The following ACO2 variants were observed in gnomAD, a reference collection of about 807,000 sequenced individuals.
The protein encoded by ACO2 is aconitase 2.
A neutral mutation model predicts 84.5 loss-of-function variants in ACO2; 31 were observed. The ratio of observed to expected loss-of-function variants is 0.37; its 90% CI spans 0.28 to 0.50. ACO2 has a LOEUF of 0.50. Among genes scored for constraint, ACO2 ranks in the 20% least tolerant of loss-of-function variants. The pLI is 0.97. For missense variants in ACO2, 685 were observed against 1,029.3 expected, an observed-to-expected ratio of 0.67 and a Z score of 4.58; for synonymous variants, 414 against 412.7, an observed-to-expected ratio of 1.00 and a Z score of -0.04.
intron 1 of ACO2, among the ~76,000 whole-genome samples, chr22:41,480,744 G>A (rs1258106533): frequency 1.3e-5 from 2 of 152,138 alleles, no homozygotes; most frequent in Non-Finnish European, 2.9e-5. Flanking sequence ...GCAATTTTGT[G>A]TTTATCATTC....
chr22:41,511,825 C>T (rs1001414305), intron 3 of ACO2, 51 bp from the exon 4 acceptor site: 2 of 1,450,374 alleles, frequency 1.4e-6, no homozygotes, highest in Non-Finnish European at 1.9e-6. Context: ...GTGAGGGTCA[C>T]CTGGACACAA....
chr22:41,521,652 C>T (rs537594058), intron 9 of ACO2: 11 of 151,944 alleles, frequency 7.2e-5, no homozygotes, highest in Non-Finnish European at 1.6e-4. Context: ...TGTGTTCGCC[C>T]TTATTCATTG....
chr22:41,525,684 C>A, intron 14 of ACO2: 1 of 311,384 alleles, frequency 3.2e-6, no homozygotes, highest in South Asian at 4.8e-5. Context: ...GCACAGCAGG[C>A]TCCACACCTG....
chr22:41,493,166 C>G (rs1467304521), intron 1 of ACO2, among the ~76,000 whole-genome samples: 2 of 152,080 alleles, frequency 1.3e-5, no homozygotes, highest in African/African-American at 2.4e-5. Context: ...AGCATTAATC[C>G]GGTCATGAGG....
chr22:41,472,349 T>C (rs1023768480), intron 1 of ACO2, among the ~76,000 whole-genome samples: 26 of 147,452 alleles, frequency 1.8e-4, no homozygotes, highest in Admixed American at 2.7e-4. Context: ...TGAGACTCCG[T>C]CTCAAAAAAA....
chr22:41,493,605 T>G (rs2066290379), intron 1 of ACO2, among the ~76,000 whole-genome samples: 1 of 152,216 alleles, frequency 6.6e-6, no homozygotes, highest in African/African-American at 2.4e-5. Context: ...TTTATAAACC[T>G]AAGCTGTTCA....
intron 1 of ACO2, among the ~76,000 whole-genome samples, chr22:41,494,718 G>A (rs891903316): frequency 6.6e-5 from 10 of 150,714 alleles, no homozygotes; most frequent in Admixed American, 6.0e-4. Context: ...GCTGTATTCT[G>A]TATCAACATA....
At chr22:41,478,511 G>GT (rs1192753998) in intron 1 of ACO2, among the ~76,000 whole-genome samples, 2 of 152,138 alleles carry the variant, frequency 1.3e-5, no homozygotes, top group Non-Finnish European at 2.9e-5. Flanking sequence ...TTTTGGTTTA[G>GT]TTTTTTAATT....
chr22:41,478,879 TC>T (rs1439963481), intron 1 of ACO2, among the ~76,000 whole-genome samples: 1 of 151,164 alleles, frequency 6.6e-6, no homozygotes, highest in South Asian at 2.1e-4. Context: ...CAAGCAATTC[TC>T]CTGCCTCAGC....
chr22:41,489,604 T>C (rs1407570415), intron 1 of ACO2, among the ~76,000 whole-genome samples: 1 of 152,170 alleles, frequency 6.6e-6, no homozygotes, highest in African/African-American at 2.4e-5. Flanking sequence ...TTGTTCTTTT[T>C]TCCTCCTGCA....
At chr22:41,474,403 C>G (rs1323676245) in intron 1 of ACO2, among the ~76,000 whole-genome samples, 1 of 147,656 alleles carries the variant, frequency 6.8e-6, no homozygotes, top group Non-Finnish European at 1.5e-5. Context: ...ATGCCATTCT[C>G]CTGCCTCAGC....
At chr22:41,493,826 A>G (rs547344512) in intron 1 of ACO2, among the ~76,000 whole-genome samples, 40 of 152,320 alleles carry the variant, frequency 2.6e-4, no homozygotes, top group African/African-American at 8.7e-4. Flanking sequence ...TGGGAGGCTG[A>G]GGCAGGCAGA....
intron 1 of ACO2, among the ~76,000 whole-genome samples, chr22:41,489,893 C>T (rs774230713): frequency 1.3e-5 from 2 of 151,984 alleles, no homozygotes; most frequent in East Asian, 1.9e-4. Flanking sequence ...AAAACCAAAA[C>T]GCTTTTGATT....
chr22:41,515,049 G>C lies in ACO2; in HGVS notation c.526-328G>C, dbSNP rs189763697. On this transcript the variant is annotated intron_variant, in intron 4 of 17. Transcript: ENST00000216254. The surrounding 1 kb of genome is among the most constrained non-coding windows in gnomAD (Gnocchi z 5.8). ...GGGCCCATCACAGGACAGTTTCTCT[G>C]GTTCTTGTCACATCCTGGGGTCATG... Among the ~76,000 whole-genome samples, 47 of 152,340 alleles carry C rather than the reference G, an allele frequency of 3.1e-4. No homozygotes were observed. Among genetic ancestry groups the C allele is most frequent in the Non-Finnish European group, 4.1e-4 (28 of 68,032 alleles).
intron 1 of ACO2, among the ~76,000 whole-genome samples, chr22:41,493,470 T>A (rs1180132420): frequency 6.6e-6 from 1 of 152,174 alleles, no homozygotes; most frequent in Non-Finnish European, 1.5e-5. Flanking sequence ...GGAGTCAAGC[T>A]GAGATTTCCC....
intron 2 of ACO2, among the ~76,000 whole-genome samples, chr22:41,503,060 A>T (rs2146109755): frequency 6.6e-6 from 1 of 152,356 alleles, no homozygotes; most frequent in East Asian, 1.9e-4. Context: ...GTTCGCTTTG[A>T]GATAACTTGA....
At chr22:41,487,921 C>G (rs1285162740) in intron 1 of ACO2, among the ~76,000 whole-genome samples, 1 of 152,120 alleles carries the variant, frequency 6.6e-6, no homozygotes, top group Non-Finnish European at 1.5e-5. Context: ...GATTCCTTCT[C>G]TCACACCCCT....
intron 1 of ACO2, chr22:41,469,456 C>T (rs946549297): frequency 2.2e-6 from 1 of 452,154 alleles, no homozygotes; most frequent in Non-Finnish European, 4.0e-6. Context: ...CCTCTTTCTT[C>T]TTTTTGAGGA....
chr22:41,497,218 G>A (rs1161147388), intron 1 of ACO2, among the ~76,000 whole-genome samples: 2 of 151,786 alleles, frequency 1.3e-5, no homozygotes, highest in Admixed American at 6.6e-5. Flanking sequence ...ATAGGTGCCC[G>A]CCACCATGCC....
Sources: gnomAD v4.1 joint callset for allele counts (sites outside exome capture counted in the v4.1 genomes callset) on GRCh38, gnomAD v4.1.1 for gene constraint, Gnocchi (gnomAD v3.1) non-coding constraint, MANE v1.5 for transcripts, NCBI Gene and HGNC (gene_info 2026-07-23, HGNC 2026-07-21) for gene names.